Variants in UBA3 observed in about 807,000 individuals in gnomAD.
UBA3 encodes NEDD8-activating enzyme E1 catalytic subunit.
Under a neutral mutation model 73.5 loss-of-function variants are expected in UBA3, and 26 were observed. The ratio of observed to expected loss-of-function variants is 0.35; its 90% CI spans 0.26 to 0.49. The LOEUF (loss-of-function observed/expected upper bound fraction) is 0.49. UBA3 is among the 20% of genes least tolerant of loss of function. The pLI, the probability that UBA3 is intolerant of heterozygous loss-of-function variation, is 0.98. For missense variants in UBA3, 495 were observed against 555.6 expected, an observed-to-expected ratio of 0.89 and a Z score of 1.10; for synonymous variants, 217 against 191.2, an observed-to-expected ratio of 1.13 and a Z score of -1.11.
At position 69,062,167 on chromosome 3, in the gene UBA3, T is replaced by A; in HGVS notation, c.706A>T (p.Met236Leu). ...ELYPPQVNFP[M>L]CTIASMPRLP... ...CTGGGCATAGATGCAATGGTGCACA[T>A]GGGAAAATTAACCTAAAACCACAGT... Residue 236 changes from methionine to leucine, a missense_variant, in exon 10 of 18, where the codon ATG becomes TTG. By Grantham distance (15) the Met-to-Leu change is conservative. Coordinates refer to ENST00000361055, the MANE Select transcript of UBA3 (RefSeq NM_003968.4). The A allele has an allele frequency of 6.2e-7, 1 of 1,611,326 alleles. No homozygotes were observed. Among genetic ancestry groups the A allele is most frequent in the Non-Finnish European group, 8.5e-7 (1 of 1,178,206 alleles).
intron 6 of UBA3, among the ~76,000 whole-genome samples, chr3:69,067,119 T>C (rs938315338): frequency 6.6e-6 from 1 of 152,246 alleles, no homozygotes; most frequent in Non-Finnish European, 1.5e-5. Context: ...GCTGGGATTT[T>C]AATAGAAACT....
intron 6 of UBA3, among the ~76,000 whole-genome samples, chr3:69,065,489 A>AT (rs1441469689): frequency 2.0e-5 from 3 of 152,224 alleles, no homozygotes; most frequent in African/African-American, 7.2e-5. Context: ...GGCAACACAC[A>AT]TAACTATTCG....
At chr3:69,058,924 A>C (rs2091999343) in intron 11 of UBA3, among the ~76,000 whole-genome samples, 1 of 152,196 alleles carries the variant, frequency 6.6e-6, no homozygotes, top group Non-Finnish European at 1.5e-5. Context: ...CCCTGGTAAA[A>C]GGTAAAGAAG....
intron 15 of UBA3, 26 bp from the exon 16 acceptor site, chr3:69,056,089 AT>A (rs1232822600): frequency 6.3e-7 from 1 of 1,576,818 alleles, no homozygotes; most frequent in South Asian, 1.2e-5. Context: ...AGAGAGAAGT[AT>A]CAAACATAAT....
chr3:69,076,839 C>T (rs1226928377), intron 3 of UBA3, among the ~76,000 whole-genome samples: 6 of 151,408 alleles, frequency 4.0e-5, no homozygotes, highest in Non-Finnish European at 8.8e-5. Context: ...GTGATCCTCC[C>T]GCCTTGACCT....
Position 69,057,924 on chromosome 3 carries a change from CTTTTTTTTTTT to C in UBA3, c.911-626_911-616del, listed in dbSNP as rs368333207. 3.8e-4 allele frequency among the ~76,000 whole-genome samples: 44 copies of C among 115,470 alleles called. 1 individual carries two copies. Among genetic ancestry groups the C allele is most frequent in the African/African-American group, 1.4e-3 (41 of 29,892 alleles). The allele number at this position is 115,470 out of a possible 152,430, so 75.8% of individuals were successfully genotyped here. ...TTCTCTACTTCAACCCCACATTTTT[CTTTTTTTTTTT>C]TTTTTTTTGAGACAGAGTCTCGCTC... is the stretch of plus-strand genomic sequence containing the variant. On this transcript the variant is annotated intron_variant, in intron 11 of 17. Transcript: ENST00000361055.
chr3:69,067,177 AT>A (rs1485184166), intron 6 of UBA3, among the ~76,000 whole-genome samples: 1 of 152,184 alleles, frequency 6.6e-6, no homozygotes, highest in Non-Finnish European at 1.5e-5. Context: ...TCTTTACTAT[AT>A]TTAATCTTCC....
chr3:69,080,367 T>C (rs746235041), upstream of UBA3: 4 of 1,597,048 alleles, frequency 2.5e-6, no homozygotes, highest in East Asian at 4.5e-5. Context: ...GTTCTCCGCC[T>C]CTTCCCAGGT....
At chr3:69,068,036 T>C (rs2092088263) in intron 5 of UBA3, 28 bp from the exon 6 acceptor site, 9 of 1,370,140 alleles carry the variant, frequency 6.6e-6, no homozygotes, top group African/African-American at 1.5e-5. Context: ...AAATTATAAT[T>C]CATATTATAA....
chr3:69,080,267 CCG>C, intron 1 of UBA3, 65 bp downstream of exon 1: 1 of 1,582,920 alleles, frequency 6.3e-7, no homozygotes, highest in Admixed American at 1.7e-5. Flanking sequence ...GCGGCGGCAA[CCG>C]CCCACCGCCG....
At chr3:69,077,349 A>G (rs1302771812) in intron 3 of UBA3, 1 of 152,916 alleles carries the variant, frequency 6.5e-6, no homozygotes, top group East Asian at 1.9e-4. Flanking sequence ...TAAGATAGAC[A>G]CTATCAGTCC....
intron 9 of UBA3, 136 bp downstream of exon 9, chr3:69,062,846 T>G (rs2092033486): frequency 9.2e-7 from 1 of 1,089,062 alleles, no homozygotes; most frequent in African/African-American, 1.6e-5. Flanking sequence ...TTTCATATTT[T>G]ATCTTTCTTC....
intron 15 of UBA3, 46 bp downstream of exon 15, chr3:69,056,137 T>C (rs2091971236): frequency 1.3e-6 from 2 of 1,560,248 alleles, no homozygotes; most frequent in Non-Finnish European, 1.7e-6. Context: ...GTTTCAAAAA[T>C]CACAAAAATG....
intron 7 of UBA3, 86 bp from the exon 8 acceptor site, chr3:69,063,589 AT>A: frequency 1.9e-6 from 2 of 1,080,030 alleles, no homozygotes; most frequent in Non-Finnish European, 2.6e-6. Flanking sequence ...ACTGCAACAA[AT>A]GTACCACTCT....
In UBA3 at chr3:69,064,928, T is replaced by C. The variant is rs1207407530; in HGVS notation, c.429-817A>G. ...ATACAGAGAAAAAAGGGACAATACA[T>C]AGAAAAAAGGGACAATACATGCTTC... On this transcript the variant is annotated intron_variant, in intron 6 of 17. Transcript: ENST00000361055. Among the ~76,000 whole-genome samples the C allele has an allele frequency of 2.0e-5, 3 of 152,178 alleles. No individual in the cohort carries two copies. In the East Asian group the frequency reaches 5.8e-4, roughly 29 times the overall value.
chr3:69,080,162 G>A lies in UBA3; in HGVS notation c.21-9C>T, dbSNP rs1183333252. 3 of 1,601,960 alleles carry A rather than the reference G, an allele frequency of 1.9e-6. No homozygotes were observed. The highest frequency in any genetic ancestry group is 2.6e-6 in the Non-Finnish European group (3 of 1,174,758). The stretch of plus-strand genomic sequence containing the variant: ...TCCTTCTTTTCTTCTCCCTAAAAGA[G>A]AGAATAAAAGAAGGGTCAGCATCGC... On this transcript the variant is annotated splice_polypyrimidine_tract_variant and intron_variant, in intron 1 of 17. Coordinates refer to ENST00000361055, the MANE Select transcript of UBA3 (RefSeq NM_003968.4).
At chr3:69,063,249 C>G in intron 8 of UBA3, 112 bp from the exon 9 acceptor site, 1 of 1,376,564 alleles carries the variant, frequency 7.3e-7, no homozygotes, top group Non-Finnish European at 1.0e-6. Flanking sequence ...ACCAATGTAT[C>G]AAATCAAGGG....
intron 11 of UBA3, among the ~76,000 whole-genome samples, chr3:69,058,688 A>G (rs1429013998): frequency 1.3e-5 from 2 of 152,214 alleles, no homozygotes; most frequent in South Asian, 2.1e-4. Flanking sequence ...GAACATTGCC[A>G]AAATGATGAG....
chr3:69,075,502 C>A lies in UBA3; in HGVS notation c.192G>T (p.Gln64His), dbSNP rs752231545. Residue 64 changes from glutamine to histidine, a missense_variant, in exon 4 of 18, where the codon CAG becomes CAT. Physicochemically the swap from Gln to His is conservative, Grantham distance 24. Transcript: ENST00000361055. ...GAACTTTACATGTATCTAACAAGAA[C>A]TGGAGAGACTGTAAAGAATGGAAAG... ...PDFEPSTESL[Q>H]FLLDTCKVLV... The A allele has an allele frequency of 1.9e-6, 3 of 1,545,864 alleles. No individual in the cohort carries two copies. Among genetic ancestry groups the A allele is most frequent in the African/African-American group, 1.4e-5 (1 of 70,696 alleles).
Sources: gnomAD v4.1 joint callset for allele counts (sites outside exome capture counted in the v4.1 genomes callset) on GRCh38, gnomAD v4.1.1 for gene constraint, MANE v1.5 for transcripts, NCBI Gene and HGNC (gene_info 2026-07-23, HGNC 2026-07-21) for gene names.